Variants in PADI3 observed in about 807,000 individuals in gnomAD.
PADI3 encodes peptidyl arginine deiminase 3.
Under a neutral mutation model 71.5 loss-of-function variants are expected in PADI3, and 53 were observed. The observed-to-expected ratio is 0.74, with a 90% CI of 0.59 to 0.93. The LOEUF (loss-of-function observed/expected upper bound fraction) is 0.93. Among genes scored for constraint, PADI3 ranks in the 40% least tolerant of loss-of-function variants. PADI3 has a pLI of 0.00. For synonymous variants in PADI3, 361 were observed against 347.5 expected, an observed-to-expected ratio of 1.04 and a Z score of -0.43; for missense variants, 821 against 868.0, an observed-to-expected ratio of 0.95 and a Z score of 0.68.
chr1:17,257,002 A>C (rs1011488967), intron 1 of PADI3, among the ~76,000 whole-genome samples: 1 of 134,688 alleles, frequency 7.4e-6, no homozygotes, highest in Non-Finnish European at 1.5e-5. Context: ...ACTGCACTCC[A>C]GCCTGGGCGA....
At chr1:17,274,540 T>C in intron 10 of PADI3, 95 bp from the exon 11 acceptor site, 1 of 1,156,276 alleles carries the variant, frequency 8.6e-7, no homozygotes, top group East Asian at 2.4e-5. Flanking sequence ...GGATGGCCTT[T>C]CCCACCCTGT....
chr1:17,265,923 G>A (rs2073162393), intron 4 of PADI3, among the ~76,000 whole-genome samples: 1 of 152,220 alleles, frequency 6.6e-6, no homozygotes, highest in Non-Finnish European at 1.5e-5. Context: ...CAGGCATGGA[G>A]GTACCCAGCC....
At chr1:17,260,198 G>A (rs1251371961) in intron 2 of PADI3, among the ~76,000 whole-genome samples, 3 of 152,148 alleles carry the variant, frequency 2.0e-5, no homozygotes, top group African/African-American at 7.2e-5. Flanking sequence ...GGACAGGGGA[G>A]GGACACCGGT....
intron 3 of PADI3, among the ~76,000 whole-genome samples, chr1:17,263,170 T>C (rs548678087): frequency 1.1e-4 from 17 of 152,352 alleles, no homozygotes; most frequent in Admixed American, 4.6e-4. Flanking sequence ...TGCCTCGGCA[T>C]CCCAAAGTGC....
chr1:17,251,992 G>A (rs1227344548), intron 1 of PADI3, among the ~76,000 whole-genome samples: 2 of 152,190 alleles, frequency 1.3e-5, no homozygotes, highest in Admixed American at 6.5e-5. Context: ...GAAGGATGAG[G>A]ACAAGCAAGT....
intron 4 of PADI3, 42 bp downstream of exon 4, chr1:17,265,762 G>T (rs1191876721): frequency 6.3e-7 from 1 of 1,575,482 alleles, no homozygotes; most frequent in African/African-American, 1.3e-5. Flanking sequence ...GAGTGCAGTT[G>T]GAGCTTGCTC....
intron 9 of PADI3, 29 bp downstream of exon 9, chr1:17,271,207 CAAGG>C (rs2073246020): frequency 6.3e-7 from 1 of 1,582,468 alleles, no homozygotes; most frequent in African/African-American, 1.3e-5. Context: ...CAGGGCCCAG[CAAGG>C]ACGCCATCCT....
intron 1 of PADI3, among the ~76,000 whole-genome samples, chr1:17,254,313 C>T (rs1427698881): frequency 6.6e-6 from 1 of 152,158 alleles, no homozygotes; most frequent in Non-Finnish European, 1.5e-5. Context: ...GTGGAGACCT[C>T]GTTGGTCATC....
chr1:17,265,363 AC>A (rs2073154057), intron 3 of PADI3, among the ~76,000 whole-genome samples: 2 of 150,296 alleles, frequency 1.3e-5, no homozygotes, highest in Admixed American at 1.3e-4. Flanking sequence ...GTTCCTGGAG[AC>A]CTGGGCTCAG....
chr1:17,281,477 ACT>A (rs1464302264), intron 15 of PADI3, among the ~76,000 whole-genome samples: 1 of 137,980 alleles, frequency 7.2e-6, no homozygotes, highest in Non-Finnish European at 1.5e-5. Flanking sequence ...ACGGAGTCTC[ACT>A]CTGTTGCCCA....
intron 13 of PADI3, among the ~76,000 whole-genome samples, chr1:17,278,481 G>A (rs1255762071): frequency 6.6e-6 from 1 of 152,162 alleles, no homozygotes; most frequent in Non-Finnish European, 1.5e-5. Flanking sequence ...TGTCTGTCTT[G>A]GCCTCCCAAA....
At chr1:17,264,806 T>G (rs192405186) in intron 3 of PADI3, among the ~76,000 whole-genome samples, 1 of 152,126 alleles carries the variant, frequency 6.6e-6, no homozygotes, top group South Asian at 2.1e-4. Context: ...AGCCCAGTAG[T>G]TCAAGACCAG....
intron 4 of PADI3, among the ~76,000 whole-genome samples, chr1:17,266,393 T>C (rs141610623): frequency 6.6e-6 from 1 of 152,254 alleles, no homozygotes; most frequent in Non-Finnish European, 1.5e-5. Flanking sequence ...GTGCAGGGAA[T>C]GGCAGGAGCA....
At chr1:17,263,995 G>A (rs1421329934) in intron 3 of PADI3, among the ~76,000 whole-genome samples, 2 of 152,178 alleles carry the variant, frequency 1.3e-5, no homozygotes, top group African/African-American at 2.4e-5. Flanking sequence ...TTTATCTGTA[G>A]GAGGCATTTT....
In PADI3 at chr1:17,265,716, A is replaced by G. The variant is rs761912914; in HGVS notation, c.404A>G (p.Asp135Gly). Residue 135 changes from aspartate to glycine, a missense_variant, in exon 4 of 16, where the codon GAC becomes GGC. Asp to Gly is a moderately conservative substitution (Grantham distance 94). Coordinates refer to ENST00000375460, the MANE Select transcript of PADI3 (RefSeq NM_016233.2). ...GGAAGGCAGGACAGGAACTTTGTAGACAAGGTAAGCATCTCTGCCTGGGCC... is the reference window on the plus strand; with the variant it reads ...GGAAGGCAGGACAGGAACTTTGTAGGCAAGGTAAGCATCTCTGCCTGGGCC... ...CEGRQDRNFVDKRQWVWGPSG... is the reference protein window; with the variant it reads ...CEGRQDRNFVGKRQWVWGPSG... The G allele has an allele frequency of 5.0e-6, 8 of 1,613,960 alleles. No homozygotes were observed. In the East Asian group the frequency reaches 1.6e-4, roughly 31 times the overall value.
chr1:17,250,448 C>T (rs550256908), intron 1 of PADI3, among the ~76,000 whole-genome samples: 10 of 152,104 alleles, frequency 6.6e-5, no homozygotes, highest in African/African-American at 1.7e-4. Context: ...CCATTGAGAA[C>T]GAGTCTCCAA....
At chr1:17,257,472 G>A (rs998070965) in intron 1 of PADI3, among the ~76,000 whole-genome samples, 3 of 152,230 alleles carry the variant, frequency 2.0e-5, no homozygotes, top group African/African-American at 4.8e-5. Context: ...ATGATTGACT[G>A]TTCACTTGAA....
chr1:17,270,354 T>G lies in PADI3; in HGVS notation c.774T>G (p.Asp258Glu). The G allele has an allele frequency of 6.2e-7, 1 of 1,614,020 alleles. No individual in the cohort carries two copies. Among genetic ancestry groups the G allele is most frequent in the Non-Finnish European group, 8.5e-7 (1 of 1,180,000 alleles). Residue 258 changes from aspartate to glutamate, a missense_variant, in exon 7 of 16, where the codon GAT becomes GAG. Physicochemically the swap from Asp to Glu is conservative, Grantham distance 45. Coordinates refer to ENST00000375460, the MANE Select transcript of PADI3 (RefSeq NM_016233.2). Reference protein sequence around the residue: ...RFFVEGLSFPDAGFTGLISFH... With the variant: ...RFFVEGLSFPEAGFTGLISFH... The stretch of plus-strand genomic sequence containing the variant: ...TCGTGGAAGGCCTGTCCTTCCCTGA[T>G]GCCGGCTTCACAGGACTCATCTCCT...
At position 17,274,774 on chromosome 1, in the gene PADI3, G is replaced by T. The variant is rs2293918; in HGVS notation, c.1295G>T (p.Gly432Val). The change falls in exon 11 of 16, where the codon GGC becomes GTC. Residue 432 changes from glycine (G) to valine (V), a missense_variant. Transcript: ENST00000375460. ...CCCCTGGGGAGGATCCTCATTGGGG[G>T]CAACCTGCCTGGGTGAGAGAGAGAC... ...EYPLGRILIG[G>V]NLPGSSGRRV... 6.2e-7 allele frequency: 1 copy of T among 1,613,626 alleles called. No homozygotes were observed. Among genetic ancestry groups the T allele is most frequent in the Non-Finnish European group, 8.5e-7 (1 of 1,179,730 alleles).
Sources: allele counts gnomAD v4.1 joint callset (sites outside exome capture counted in the v4.1 genomes callset), GRCh38; gene constraint gnomAD v4.1.1; transcripts MANE v1.5; gene names NCBI Gene and HGNC (gene_info 2026-07-23, HGNC 2026-07-21).